The following SLC9A3 variants were observed in gnomAD, a reference collection of about 807,000 sequenced individuals.
SLC9A3 encodes solute carrier family 9 member A3, also known as sodium/hydrogen exchanger 3.
A neutral mutation model predicts 86.8 loss-of-function variants in SLC9A3; 37 were observed. That is an observed-to-expected ratio of 0.43 (90% CI 0.33 to 0.56). SLC9A3 has a LOEUF of 0.56. Among genes scored for constraint, SLC9A3 ranks in the 20% least tolerant of loss-of-function variants. The pLI is 0.06. For synonymous variants in SLC9A3, 581 were observed against 528.3 expected (o/e 1.10, Z -1.37); for missense variants, 1,011 against 1,171.9 (o/e 0.86, Z 2.00).
At position 482,555 on chromosome 5, in the gene SLC9A3, A is replaced by G; in HGVS notation, c.1349T>C (p.Ile450Thr). ...TTIIVVFFTV[I>T]FQGLTIKPLV... Reference sequence around the variant, plus strand: ...GGCTGGGCTGGGCCTCACCTGGAAGATGACGGTGAAGAACACTACGATGAT... The same window carrying G: ...GGCTGGGCTGGGCCTCACCTGGAAGGTGACGGTGAAGAACACTACGATGAT... Residue 450 changes from isoleucine (I) to threonine (T), a missense_variant, in exon 7 of 17, where the codon ATC becomes ACC. Ile to Thr is a moderately conservative substitution (Grantham distance 89). This residue lies in a region of SLC9A3 where 565 missense variants were observed against 790.0 expected (regional missense o/e 0.72). Transcript: ENST00000264938. 6.2e-7 allele frequency: 1 copy of G among 1,609,814 alleles called. No homozygotes were observed.
At chr5:475,791 A>G in intron 14 of SLC9A3, 120 bp from the exon 15 acceptor site, 3 of 706,084 alleles carry the variant, frequency 4.2e-6, no homozygotes, top group Non-Finnish European at 7.4e-6. Flanking sequence ...CACAGAGAGG[A>G]GGGCTAAACC....
At position 496,637 on chromosome 5, in the gene SLC9A3, A is replaced by G. The variant is rs1277408467; in HGVS notation, c.212-4566T>C. Among the ~76,000 whole-genome samples, 3 of 152,088 alleles carry G rather than the reference A, an allele frequency of 2.0e-5. No individual in the cohort carries two copies. Among genetic ancestry groups the G allele is most frequent in the Non-Finnish European group, 4.4e-5 (3 of 68,022 alleles). Reference sequence around the variant, plus strand: ...GAACGTCTTTTCTTTTTATAGTTAAATTTATTGGTCTTTTGTTTTATGGCT... The same window carrying G: ...GAACGTCTTTTCTTTTTATAGTTAAGTTTATTGGTCTTTTGTTTTATGGCT... On this transcript the variant is annotated intron_variant, in intron 1 of 16. Coordinates refer to ENST00000264938, the MANE Select transcript of SLC9A3 (RefSeq NM_004174.4). The surrounding 1 kb of genome is among the most constrained non-coding windows in gnomAD (Gnocchi z 4.7).
At chr5:512,080 G>C (rs1733566480) in intron 1 of SLC9A3, among the ~76,000 whole-genome samples, 1 of 152,220 alleles carries the variant, frequency 6.6e-6, no homozygotes, top group African/African-American at 2.4e-5. Flanking sequence ...ACAGTAGAAA[G>C]ATCAGTGGTT....
rs1738704212 is a variant in SLC9A3 at position 476,025 on chromosome 5, T to C, written c.2135A>G (p.Glu712Gly). The stretch of plus-strand genomic sequence containing the variant: ...CTGCAGGGCCCCCAGCGCACCTTTC[T>C]CCTTGATGGTGAAATTCTGCGCAGG... ...ESPAQNFTIK[E>G]KDLELSDTEE... Residue 712 changes from glutamate (E) to glycine (G), a missense_variant, in exon 14 of 17, where the codon GAG becomes GGG. Coordinates refer to ENST00000264938, the MANE Select transcript of SLC9A3 (RefSeq NM_004174.4). The C allele has an allele frequency of 3.7e-6, 6 of 1,611,682 alleles. No individual in the cohort carries two copies. Among genetic ancestry groups the C allele is most frequent in the Non-Finnish European group, 5.1e-6 (6 of 1,179,092 alleles).
chr5:476,436 C>G lies in SLC9A3; in HGVS notation c.1891-58G>C. 3.1e-6 allele frequency: 5 copies of G among 1,607,664 alleles called. No individual in the cohort carries two copies. The South Asian group carries it at 4.4e-5, about 14-fold the overall frequency. ...CCCACCGCCGGACATTCTCGCCCTC[C>G]TGCCGCAGGAGCTGAGCACGGATCC... On this transcript the variant is annotated intron_variant, in intron 12 of 16. Transcript: ENST00000264938.
chr5:491,544 C>T lies in SLC9A3; in HGVS notation c.514+225G>A, dbSNP rs72702707. Among the ~76,000 whole-genome samples, 19,618 of 151,834 alleles carry T rather than the reference C, an allele frequency of 0.13. 1,639 individuals carry two copies. Among genetic ancestry groups the T allele is most frequent in the Non-Finnish European group, 0.18 (12,435 of 67,886 alleles). On this transcript the variant is annotated intron_variant, in intron 2 of 16. Transcript: ENST00000264938. This position sits in a 1 kb window ranked among gnomAD's most constrained non-coding sequence, Gnocchi z 9.2. The stretch of plus-strand genomic sequence containing the variant: ...ACCTGCAGCCCCCAAGCCGAGCTGC[C>T]GAGATGGGAACTCCTCCCCAAGCAG...
Position 475,117 on chromosome 5 carries a change from A to G in SLC9A3, c.2267T>C (p.Val756Ala). 2 of 1,598,982 alleles carry G rather than the reference A, an allele frequency of 1.3e-6. No individual in the cohort carries two copies. The highest frequency in any genetic ancestry group is 1.7e-6 in the Non-Finnish European group (2 of 1,171,850). The change falls in exon 16 of 17, where the codon GTG becomes GCG. Residue 756 changes from valine to alanine, a missense_variant. Val to Ala is a moderately conservative substitution (Grantham distance 64). Around this residue, in one of 3 missense-constraint regions of SLC9A3, gnomAD observed 397 missense variants for 346.3 expected, o/e 1.15. Transcript: ENST00000264938. ...GTCCAGGGCCTCGTCCGGAGAAAAC[A>G]CAGGGTTGTCAATTCCTAGGAGAGA... Reference protein sequence around the residue: ...SDSPAGIDNPVFSPDEALDRS... With the variant: ...SDSPAGIDNPAFSPDEALDRS...
intron 10 of SLC9A3, chr5:478,748 AGCCAGGCTCCAG>A (rs1379690109): frequency 3.9e-5 from 6 of 154,562 alleles, no homozygotes; most frequent in Non-Finnish European, 8.8e-5. Context: ...CCCACCCTCC[AGCCAGGCTCCAG>A]GCCTCCTAGG....
At chr5:473,433 G>A in intron 16 of SLC9A3, 51 bp from the exon 17 acceptor site, 2 of 1,340,580 alleles carry the variant, frequency 1.5e-6, no homozygotes, top group African/African-American at 1.5e-5. Context: ...CGCTGGGGCG[G>A]GAGGGGCGTC....
At position 491,818 on chromosome 5, in the gene SLC9A3, C is replaced by T. The variant is rs146219885; in HGVS notation, c.465G>A (p.Ala155=). ...LYAVVGTVWN[A]ATTGLSLYGV... ...CGTAGAGGGACAGCCCGGTGGTGGC[C>T]GCGTTCCACACGGTACCCACGACGG... Residue 155 remains alanine, a synonymous_variant, in exon 2 of 17, where the codon GCG becomes GCA. Coordinates refer to ENST00000264938, the MANE Select transcript of SLC9A3 (RefSeq NM_004174.4). The surrounding 1 kb of genome is among the most constrained non-coding windows in gnomAD (Gnocchi z 9.2). The T allele has an allele frequency of 9.7e-5, 154 of 1,589,822 alleles. No individual in the cohort carries two copies. Among genetic ancestry groups the T allele is most frequent in the African/African-American group, 2.0e-4 (15 of 74,386 alleles).
chr5:482,622 C>T lies in SLC9A3; in HGVS notation c.1282G>A (p.Gly428Arg). ...AGGTTCTTCTCCTTGACCTTGTCTCCATCCAGAAGCACCACCAGGGCAAAG... is the reference window on the plus strand; with the variant it reads ...AGGTTCTTCTCCTTGACCTTGTCTCTATCCAGAAGCACCACCAGGGCAAAG... The part of the protein sequence containing the change: ...VAFALVVLLD[G>R]DKVKEKNLFV... The change falls in exon 7 of 17, where the codon GGA becomes AGA. Residue 428 changes from glycine (G) to arginine (R), a missense_variant. Physicochemically the swap from Gly to Arg is moderately radical, Grantham distance 125 (BLOSUM62 -2). Around this residue, in one of 3 missense-constraint regions of SLC9A3, gnomAD observed 565 missense variants for 790.0 expected, o/e 0.72. Transcript: ENST00000264938. 6.2e-7 allele frequency: 1 copy of T among 1,612,842 alleles called. No individual in the cohort carries two copies. The highest frequency in any genetic ancestry group is 1.1e-5 in the South Asian group (1 of 91,084).
Position 491,904 on chromosome 5 carries a change from C to T in SLC9A3, c.379G>A (p.Ala127Thr), listed in dbSNP as rs1047334552. Residue 127 changes from alanine to threonine, a missense_variant, in exon 2 of 17, where the codon GCC becomes ACC. By Grantham distance (58) the Ala-to-Thr change is moderately conservative. This residue lies in a region of SLC9A3 where 565 missense variants were observed against 790.0 expected (regional missense o/e 0.72). Coordinates refer to ENST00000264938, the MANE Select transcript of SLC9A3 (RefSeq NM_004174.4). This position sits in a 1 kb window ranked among gnomAD's most constrained non-coding sequence, Gnocchi z 9.2. Reference sequence around the variant, plus strand: ...AGGCGGTTGGGCATGAAGTAGCCGGCGTCCAGCACGATGGGGGGCAGCAGG... The same window carrying T: ...AGGCGGTTGGGCATGAAGTAGCCGGTGTCCAGCACGATGGGGGGCAGCAGG... ...FYLLPPIVLDAGYFMPNRLFF... is the reference protein window; with the variant it reads ...FYLLPPIVLDTGYFMPNRLFF... 3.1e-6 allele frequency: 5 copies of T among 1,611,536 alleles called. No individual in the cohort carries two copies. The highest frequency in any genetic ancestry group is 3.4e-6 in the Non-Finnish European group (4 of 1,179,410).
intron 1 of SLC9A3, among the ~76,000 whole-genome samples, chr5:504,248 G>C (rs1740440833): frequency 6.6e-6 from 1 of 152,042 alleles, no homozygotes; most frequent in Non-Finnish European, 1.5e-5. Flanking sequence ...GAACCCCCGG[G>C]AACCCAAGGG....
intron 5 of SLC9A3, 49 bp downstream of exon 5, chr5:484,471 A>C: frequency 6.3e-7 from 1 of 1,581,802 alleles, no homozygotes; most frequent in Non-Finnish European, 8.6e-7. Flanking sequence ...GGTGTGGAGA[A>C]GCTCGGGAGG....
rs377068128 is a variant in SLC9A3 at position 496,501 on chromosome 5, G to C, written c.212-4430C>G. On this transcript the variant is annotated intron_variant, in intron 1 of 16. Transcript: ENST00000264938. The surrounding 1 kb of genome is among the most constrained non-coding windows in gnomAD (Gnocchi z 4.7). ...CTTTCCTATTGACACGAGGTTCTTC[G>C]TAAGCTGGAAAATCCAGCCTTTGCT... Among the ~76,000 whole-genome samples, 1 of 152,248 alleles carries C rather than the reference G, an allele frequency of 6.6e-6. No individual in the cohort carries two copies. Among genetic ancestry groups the C allele is most frequent in the African/African-American group, 2.4e-5 (1 of 41,458 alleles).
rs768447172 is a variant in SLC9A3 at position 479,827 on chromosome 5, C to G, written c.1647+9G>C. On this transcript the variant is annotated intron_variant, in intron 10 of 16. Coordinates refer to ENST00000264938, the MANE Select transcript of SLC9A3 (RefSeq NM_004174.4). ...AGCCCCGACCCGGCAGAGCAAGCGG[C>G]TCTGCTACCTCAGCCACGTAGCTGA... 6.2e-7 allele frequency: 1 copy of G among 1,612,916 alleles called. No homozygotes were observed. The highest frequency in any genetic ancestry group is 8.5e-7 in the Non-Finnish European group (1 of 1,179,880).
At chr5:490,036 C>T (rs1034825617) in intron 2 of SLC9A3, among the ~76,000 whole-genome samples, 6 of 152,240 alleles carry the variant, frequency 3.9e-5, no homozygotes, top group Admixed American at 1.3e-4. Flanking sequence ...GGCCTTGAGA[C>T]GCTCCACAGG....
chr5:483,871 C>T (rs1256399390), intron 5 of SLC9A3, among the ~76,000 whole-genome samples: 2 of 152,284 alleles, frequency 1.3e-5, no homozygotes, highest in African/African-American at 4.8e-5. Context: ...TCCCACCCAG[C>T]CTGGGAGCGC....
intron 2 of SLC9A3, among the ~76,000 whole-genome samples, chr5:490,589 C>T (rs1579792292): frequency 1.3e-5 from 2 of 152,192 alleles, no homozygotes; most frequent in Admixed American, 1.3e-4. Flanking sequence ...TCACAGGCTA[C>T]TCCATCCCAC....
Sources: allele counts gnomAD v4.1 joint callset (sites outside exome capture counted in the v4.1 genomes callset), GRCh38; gene constraint gnomAD v4.1.1; regional missense constraint gnomAD v4.1.1; non-coding constraint Gnocchi (gnomAD v3.1); transcripts MANE v1.5; gene names NCBI Gene and HGNC (gene_info 2026-07-23, HGNC 2026-07-21).